The following ESRRB variants were observed in gnomAD, a reference collection of about 807,000 sequenced individuals.
ESRRB encodes steroid hormone receptor ERR2.
ESRRB carries 16 observed loss-of-function variants against 46.0 expected under a neutral mutation model. The ratio of observed to expected loss-of-function variants is 0.35; its 90% CI spans 0.24 to 0.53. The LOEUF (loss-of-function observed/expected upper bound fraction) is 0.53. Among genes scored for constraint, ESRRB ranks in the 20% least tolerant of loss-of-function variants. The pLI, the probability that ESRRB is intolerant of heterozygous loss-of-function variation, is 0.93. For missense variants in ESRRB, 488 were observed against 607.4 expected, an observed-to-expected ratio of 0.80 and a Z score of 2.07; for synonymous variants, 246 against 259.6, an observed-to-expected ratio of 0.95 and a Z score of 0.50.
chr14:76,461,805 C>T (rs181136376), intron 2 of ESRRB, among the ~76,000 whole-genome samples: 8 of 152,300 alleles, frequency 5.3e-5, no homozygotes, highest in Non-Finnish European at 1.2e-4. Context: ...GCCACTGTAC[C>T]CGGCCTGGTA....
At chr14:76,483,809 T>A (rs1889900420) in intron 5 of ESRRB, among the ~76,000 whole-genome samples, 1 of 152,194 alleles carries the variant, frequency 6.6e-6, no homozygotes, top group Non-Finnish European at 1.5e-5. Context: ...CAGCAGACGA[T>A]ACAGCAAAGG....
chr14:76,369,593 A>C (rs1884572413), upstream of ESRRB, among the ~76,000 whole-genome samples: 2 of 152,102 alleles, frequency 1.3e-5, no homozygotes, highest in Admixed American at 6.5e-5. Context: ...GATTTTTCCT[A>C]AAACCTGGAA....
At chr14:76,324,963 CTTTT>C (rs34780208) in intron 1 of ESRRB, among the ~76,000 whole-genome samples, 10 of 102,210 alleles carry the variant, frequency 9.8e-5, no homozygotes, top group Admixed American at 3.5e-4. Flanking sequence ...TTTTCTTTTT[CTTTT>C]TTTTTTTTTT....
intron 1 of ESRRB, among the ~76,000 whole-genome samples, chr14:76,437,888 G>A (rs188910901): frequency 1.3e-5 from 2 of 152,318 alleles, no homozygotes; most frequent in Non-Finnish European, 1.5e-5. Flanking sequence ...CAGCATGGCC[G>A]GGGTGGAGGG....
At chr14:76,425,723 T>C (rs545246904) in intron 1 of ESRRB, among the ~76,000 whole-genome samples, 17 of 152,222 alleles carry the variant, frequency 1.1e-4, no homozygotes, top group African/African-American at 3.9e-4. Flanking sequence ...TTTGTTTGTT[T>C]TTTGAGACAG....
chr14:76,336,230 C>G (rs543698841), intron 1 of ESRRB, among the ~76,000 whole-genome samples: 2 of 152,306 alleles, frequency 1.3e-5, no homozygotes, highest in Non-Finnish European at 2.9e-5. Context: ...CATGGAATGT[C>G]AGTGCTGAGG....
chr14:76,389,469 G>A (rs946474137), intron 1 of ESRRB, among the ~76,000 whole-genome samples: 1 of 152,214 alleles, frequency 6.6e-6, no homozygotes, highest in African/African-American at 2.4e-5. Context: ...AGTTAAAGGG[G>A]AGCCCTTGGG....
At chr14:76,401,691 A>T (rs936898359) in intron 1 of ESRRB, among the ~76,000 whole-genome samples, 1 of 152,206 alleles carries the variant, frequency 6.6e-6, no homozygotes, top group African/African-American at 2.4e-5. Context: ...GCCTAGGAGC[A>T]ATAGGCTTTA....
At chr14:76,381,945 A>G (rs544777278) in intron 1 of ESRRB, among the ~76,000 whole-genome samples, 2 of 152,266 alleles carry the variant, frequency 1.3e-5, no homozygotes, top group East Asian at 3.9e-4. Flanking sequence ...GTGTACTTGT[A>G]TTTGCCTCTC....
intron 1 of ESRRB, among the ~76,000 whole-genome samples, chr14:76,363,842 G>A (rs1377814882): frequency 2.0e-5 from 3 of 152,198 alleles, no homozygotes; most frequent in African/African-American, 7.2e-5. Context: ...TAGTAGAATT[G>A]ACAGAGAGGA....
chr14:76,439,627 G>T lies in ESRRB; in HGVS notation c.337G>T (p.Glu113Ter). The T allele has an allele frequency of 6.2e-7, 1 of 1,614,238 alleles. No individual in the cohort carries two copies. Among genetic ancestry groups the T allele is most frequent in the Non-Finnish European group, 8.5e-7 (1 of 1,180,030 alleles). The stretch of plus-strand genomic sequence containing the variant: ...CATGGAGGACTCGGCCATCAAGTGC[G>T]AGTACATGCTCAACGCCATCCCCAA... ...GIMEDSAIKC[E>*]YMLNAIPKRL... Residue 113 changes from glutamate to a stop codon, truncating the protein, a stop_gained, in exon 2 of 7, where the codon GAG (glutamate) becomes TAG (stop). Transcript: ENST00000644823. LOFTEE classifies it high-confidence loss of function.
At chr14:76,402,672 A>C (rs184484780) in intron 1 of ESRRB, among the ~76,000 whole-genome samples, 1 of 152,216 alleles carries the variant, frequency 6.6e-6, no homozygotes, top group Admixed American at 6.5e-5. Flanking sequence ...AGGACTCAAG[A>C]GAGAACTTTC....
chr14:76,397,705 G>A (rs1885753088), intron 1 of ESRRB, among the ~76,000 whole-genome samples: 1 of 152,190 alleles, frequency 6.6e-6, no homozygotes, highest in Admixed American at 6.5e-5. Context: ...AGGAGTTCGA[G>A]ACCAGCCTGG....
intron 1 of ESRRB, among the ~76,000 whole-genome samples, chr14:76,419,652 G>A (rs1886856430): frequency 6.6e-6 from 1 of 152,304 alleles, no homozygotes; most frequent in Admixed American, 6.5e-5. Flanking sequence ...CGGGGAGGTT[G>A]TGACAACTTG....
At chr14:76,480,500 TC>T (rs1241807046) in intron 3 of ESRRB, among the ~76,000 whole-genome samples, 6 of 152,220 alleles carry the variant, frequency 3.9e-5, no homozygotes, top group Non-Finnish European at 7.3e-5. Context: ...CTAGGAAACT[TC>T]CTTCTTCTCA....
intron 1 of ESRRB, among the ~76,000 whole-genome samples, chr14:76,428,032 C>A (rs1887277603): frequency 6.6e-6 from 1 of 152,108 alleles, no homozygotes; most frequent in African/African-American, 2.4e-5. Context: ...GAGTTTTGAT[C>A]CTGTTGCCCA....
chr14:76,461,478 C>CTTTTGTTTTGTTTTGTTTTG (rs147348934), intron 2 of ESRRB, among the ~76,000 whole-genome samples: 4 of 150,316 alleles, frequency 2.7e-5, no homozygotes, highest in South Asian at 2.2e-4. Context: ...GGTAGCCATT[C>CTTTTGTTTTGTTTTGTTTTG]TTTTGTTTTG....
chr14:76,477,635 G>A lies in ESRRB; in HGVS notation c.578-4381G>A, dbSNP rs1482621775. On this transcript the variant is annotated intron_variant, in intron 3 of 6. Transcript: ENST00000644823. ...ATCGAGCCCATGGGCTGCAGTGATT[G>A]TGGGCTGTGCTTAGGGCAGGCTCAG... Among the ~76,000 whole-genome samples the A allele has an allele frequency of 2.0e-5, 3 of 152,222 alleles. No homozygotes were observed. In the East Asian group the frequency reaches 5.8e-4, roughly 29 times the overall value.
chr14:76,387,914 C>T (rs1885304317), intron 1 of ESRRB, among the ~76,000 whole-genome samples: 1 of 152,212 alleles, frequency 6.6e-6, no homozygotes, highest in Non-Finnish European at 1.5e-5. Context: ...TGAGCATTTA[C>T]TGTGTGTCAG....
Sources: allele counts gnomAD v4.1 joint callset (sites outside exome capture counted in the v4.1 genomes callset), GRCh38; gene constraint gnomAD v4.1.1; transcripts MANE v1.5; gene names NCBI Gene and HGNC (gene_info 2026-07-23, HGNC 2026-07-21).